GALNT13: variants seen among roughly 807,000 people sequenced by gnomAD.
GALNT13 encodes polypeptide N-acetylgalactosaminyltransferase 13.
GALNT13 carries 28 observed loss-of-function variants against 64.2 expected under a neutral mutation model. That is an observed-to-expected ratio of 0.44 (90% CI 0.32 to 0.60). The LOEUF is 0.60. GALNT13 is among the 20% of genes least tolerant of loss of function. The probability of loss-of-function intolerance (pLI) is 0.05; values close to 1 mark genes in which losing one functional copy is unlikely to be tolerated. For synonymous variants in GALNT13, 214 were observed against 224.6 expected, an observed-to-expected ratio of 0.95 and a Z score of 0.42; for missense variants, 577 against 669.8, an observed-to-expected ratio of 0.86 and a Z score of 1.53.
At chr2:153,276,153 A>G in the GALNT13 span, among the ~76,000 whole-genome samples, 1 of 152,146 alleles carries the variant, frequency 6.6e-6, no homozygotes, top group African/African-American at 2.4e-5. Context: ...CAAATGTATT[A>G]TATAAAACAT....
At chr2:153,631,468 A>G in the GALNT13 span, among the ~76,000 whole-genome samples, 1 of 152,146 alleles carries the variant, frequency 6.6e-6, no homozygotes, top group African/African-American at 2.4e-5. Context: ...CCTCTCCAGC[A>G]CCTGTTGTTT....
the GALNT13 span, among the ~76,000 whole-genome samples, chr2:153,298,816 G>C: frequency 6.6e-6 from 1 of 152,158 alleles, no homozygotes; most frequent in Middle Eastern, 3.2e-3. Context: ...AGATAATTTG[G>C]AATAGTTGGG....
chr2:154,314,842 G>A (rs1449711822), intron 9 of GALNT13, among the ~76,000 whole-genome samples: 1 of 152,112 alleles, frequency 6.6e-6, no homozygotes, highest in African/African-American at 2.4e-5. Context: ...TATGAGGTTT[G>A]GAGTGTCAAA....
chr2:153,968,624 C>T (rs1416114263), intron 3 of GALNT13, among the ~76,000 whole-genome samples: 1 of 152,184 alleles, frequency 6.6e-6, no homozygotes, highest in African/African-American at 2.4e-5. Context: ...GGGCAACAAT[C>T]TCTAGAGGGT....
At chr2:153,778,697 A>G in the GALNT13 span, among the ~76,000 whole-genome samples, 2 of 152,066 alleles carry the variant, frequency 1.3e-5, no homozygotes, top group African/African-American at 4.8e-5. Flanking sequence ...AATAATTCCA[A>G]CTCTTCTCAA....
At chr2:153,842,723 AAC>A in the GALNT13 span, among the ~76,000 whole-genome samples, 39,691 of 150,256 alleles carry the variant, frequency 0.26, 5,600 homozygotes, top group Admixed American at 0.42. Flanking sequence ...ACAAAAGGAT[AAC>A]ACACACACAC....
chr2:153,184,392 G>C, the GALNT13 span, among the ~76,000 whole-genome samples: 2 of 152,168 alleles, frequency 1.3e-5, no homozygotes, highest in African/African-American at 4.8e-5. Context: ...GGATTTTGTA[G>C]ATATAGGATT....
At chr2:153,461,023 C>G in the GALNT13 span, among the ~76,000 whole-genome samples, 1 of 152,056 alleles carries the variant, frequency 6.6e-6, no homozygotes, top group Non-Finnish European at 1.5e-5. Context: ...GGCGTATACA[C>G]TTTTCTGTAA....
At chr2:153,879,931 A>G (rs1686667582) in intron 1 of GALNT13, among the ~76,000 whole-genome samples, 1 of 152,180 alleles carries the variant, frequency 6.6e-6, no homozygotes, top group Admixed American at 6.5e-5. Flanking sequence ...CTTGGCCTCT[A>G]ATTAGACCAA....
At chr2:154,446,413 T>C in intron 12 of GALNT13, 1 of 644,792 alleles carries the variant, frequency 1.6e-6, no homozygotes, top group South Asian at 3.8e-5. Context: ...TAAAGCCATC[T>C]AAAAAAATGT....
chr2:153,902,993 C>T (rs1025469858), intron 2 of GALNT13, among the ~76,000 whole-genome samples: 5 of 151,964 alleles, frequency 3.3e-5, no homozygotes, highest in Admixed American at 6.6e-5. Context: ...TGCCAATAAT[C>T]AGAGAAACAT....
chr2:154,013,650 G>T (rs11894291), intron 3 of GALNT13, among the ~76,000 whole-genome samples: 27,829 of 151,974 alleles, frequency 0.18, 4,675 homozygotes, highest in East Asian at 0.74. Flanking sequence ...TGGAATCTGT[G>T]CACGCAGTTG....
At chr2:153,454,282 T>G in the GALNT13 span, among the ~76,000 whole-genome samples, 2 of 152,160 alleles carry the variant, frequency 1.3e-5, no homozygotes, top group South Asian at 4.1e-4. Flanking sequence ...TATATATATA[T>G]AGAACTGTCT....
intron 4 of GALNT13, among the ~76,000 whole-genome samples, chr2:154,145,914 A>G (rs547286531): frequency 6.6e-6 from 1 of 152,144 alleles, no homozygotes; most frequent in African/African-American, 2.4e-5. Flanking sequence ...GAGAATATTA[A>G]TTGGATTTCC....
chr2:154,298,517 A>ATATAAAATTGTATATAT, intron 8 of GALNT13, among the ~76,000 whole-genome samples: 1 of 86,378 alleles, frequency 1.2e-5, no homozygotes, highest in South Asian at 3.8e-4. Flanking sequence ...TAAATTATAT[A>ATATAAAATTGTATATAT]TTATATATAA....
At chr2:154,253,166 G>A (rs1690179559) in intron 7 of GALNT13, among the ~76,000 whole-genome samples, 2 of 152,118 alleles carry the variant, frequency 1.3e-5, no homozygotes, top group African/African-American at 4.8e-5. Flanking sequence ...GAGTTTAAGT[G>A]ACTCAATGAC....
At chr2:153,581,429 T>C in the GALNT13 span, among the ~76,000 whole-genome samples, 4 of 152,226 alleles carry the variant, frequency 2.6e-5, no homozygotes, top group African/African-American at 9.6e-5. Context: ...TCATATTTAT[T>C]TACAAGTTTG....
intron 3 of GALNT13, among the ~76,000 whole-genome samples, chr2:154,046,043 C>T (rs541936474): frequency 3.3e-5 from 5 of 151,750 alleles, no homozygotes; most frequent in Admixed American, 6.6e-5. Context: ...TGTCGTGGCT[C>T]ATGCCTGTAA....
chr2:154,146,809 C>G (rs1007599306), intron 4 of GALNT13, among the ~76,000 whole-genome samples: 1 of 152,032 alleles, frequency 6.6e-6, no homozygotes, highest in Non-Finnish European at 1.5e-5. Flanking sequence ...CAGAGTTTCC[C>G]ACCTTAGAAG....
Sources: gnomAD v4.1 joint callset for allele counts (sites outside exome capture counted in the v4.1 genomes callset) on GRCh38, gnomAD v4.1.1 for gene constraint, MANE v1.5 for transcripts, NCBI Gene and HGNC (gene_info 2026-07-23, HGNC 2026-07-21) for gene names.